TMEM175: variants seen among roughly 807,000 people sequenced by gnomAD.
TMEM175 encodes the protein endosomal/lysosomal proton channel TMEM175.
A neutral mutation model predicts 36.5 loss-of-function variants in TMEM175; 36 were observed. The ratio of observed to expected loss-of-function variants is 0.99; its 90% confidence interval spans 0.76 to 1.30. The LOEUF is 1.30. Ranked by LOEUF, TMEM175 falls within the 50% of genes most tolerant of loss-of-function variation. The pLI is 0.00. For missense variants in TMEM175, 705 were observed against 692.8 expected, an observed-to-expected ratio of 1.02 and a Z score of -0.20; for synonymous variants, 339 against 313.4, an observed-to-expected ratio of 1.08 and a Z score of -0.86.
At position 950,429 on chromosome 4, in the gene TMEM175, C is replaced by A; in HGVS notation, c.201C>A (p.Asp67Glu). The change falls in exon 4 of 11, where the codon GAC becomes GAA. Residue 67 changes from aspartate (D) to glutamate (E), a missense_variant. Coordinates refer to ENST00000264771, the MANE Select transcript of TMEM175 (RefSeq NM_032326.4). ...HTEISPEQQFDRSVQRLLATR... is the reference protein window; with the variant it reads ...HTEISPEQQFERSVQRLLATR... Reference sequence around the variant, plus strand: ...GTGCTCTTGTATTCCAGCAGTTCGACAGAAGTGTACAGAGGCTTCTGGCAA... The same window carrying A: ...GTGCTCTTGTATTCCAGCAGTTCGAAAGAAGTGTACAGAGGCTTCTGGCAA... The A allele has an allele frequency of 6.2e-7, 1 of 1,613,456 alleles. No homozygotes were observed. The highest frequency in any genetic ancestry group is 8.5e-7 in the Non-Finnish European group (1 of 1,179,422).
Position 952,405 on chromosome 4 carries a change from C to T in TMEM175, c.417C>T (p.Gly139=), listed in dbSNP as rs371451590. The stretch of plus-strand genomic sequence containing the variant: ...TGACCTTCCCTGATGTGCCTCTGGG[C>T]ATCTTCTTGTTCTGTGTGTGTGTGA... The part of the protein sequence containing the change: ...LMVTFPDVPL[G]IFLFCVCVIA... The change falls in exon 7 of 11, where the codon GGC becomes GGT. Residue 139 remains glycine (G), a synonymous_variant. Transcript: ENST00000264771. 1.2e-6 allele frequency: 2 copies of T among 1,611,358 alleles called. No individual in the cohort carries two copies. Among genetic ancestry groups the T allele is most frequent in the Non-Finnish European group, 8.5e-7 (1 of 1,179,944 alleles).
At chr4:942,066 T>C (rs967661727) in intron 1 of TMEM175, among the ~76,000 whole-genome samples, 2 of 128,086 alleles carry the variant, frequency 1.6e-5, no homozygotes, top group Non-Finnish European at 3.5e-5. Flanking sequence ...TCTTTTTTTT[T>C]CTTTTTTTTT....
chr4:936,764 G>A (rs940490661), intron 1 of TMEM175, among the ~76,000 whole-genome samples: 4 of 152,170 alleles, frequency 2.6e-5, no homozygotes, highest in African/African-American at 9.7e-5. Flanking sequence ...GACCATCCTG[G>A]CCAACATGGT....
chr4:944,224 C>CTA (rs1560478796), intron 1 of TMEM175, among the ~76,000 whole-genome samples: 1 of 152,124 alleles, frequency 6.6e-6, no homozygotes, highest in Non-Finnish European at 1.5e-5. Context: ...ACCCAGGAGG[C>CTA]GGAGGTTGCA....
intron 1 of TMEM175, among the ~76,000 whole-genome samples, chr4:945,299 C>T (rs6599388): frequency 0.28 from 42,415 of 151,340 alleles, 6,324 homozygotes; most frequent in Middle Eastern, 0.49. Context: ...CAGGCCCCCG[C>T]CGTCTCTGTC....
chr4:938,513 G>T (rs577012378), intron 1 of TMEM175, among the ~76,000 whole-genome samples: 1 of 150,308 alleles, frequency 6.7e-6, no homozygotes, highest in African/African-American at 2.4e-5. Flanking sequence ...CCAAAAAAAA[G>T]AAAAAAAAAT....
intron 1 of TMEM175, among the ~76,000 whole-genome samples, chr4:940,442 C>A (rs1229406427): frequency 1.0e-5 from 1 of 96,418 alleles, no homozygotes. Flanking sequence ...GAGTGAAACT[C>A]GATCTCAAAA....
At chr4:951,562 T>C (rs942809281) in intron 5 of TMEM175, 120 bp from the exon 6 acceptor site, 17 of 1,327,778 alleles carry the variant, frequency 1.3e-5, no homozygotes, top group Non-Finnish European at 1.7e-5. Flanking sequence ...GGACTCACAC[T>C]CGCTGGCCCA....
chr4:945,479 C>A (rs1325072116), intron 1 of TMEM175, among the ~76,000 whole-genome samples: 1 of 152,170 alleles, frequency 6.6e-6, no homozygotes, highest in East Asian at 1.9e-4. Context: ...CCTGGCTGGC[C>A]TCTCTCCGTT....
chr4:955,549 C>T (rs541326499), intron 9 of TMEM175, 66 bp downstream of exon 9: 104 of 1,537,602 alleles, frequency 6.8e-5, no homozygotes, highest in South Asian at 4.5e-5. Context: ...GCGGCTGCTC[C>T]GCACTGAGGG....
At position 958,616 on chromosome 4, in the gene TMEM175, T is replaced by C. The variant is rs572108248; in HGVS notation, c.*120T>C. Reference sequence around the variant, plus strand: ...GTGGTTCTTGCGTGGCCTGGTTTTATTTTCATTGTGAAATATCATGCTCTT... The same window carrying C: ...GTGGTTCTTGCGTGGCCTGGTTTTACTTTCATTGTGAAATATCATGCTCTT... On this transcript the variant is annotated 3_prime_UTR_variant, in exon 11 of 11. Coordinates refer to ENST00000264771, the MANE Select transcript of TMEM175 (RefSeq NM_032326.4). 1.3e-5 allele frequency: 10 copies of C among 791,352 alleles called. No individual in the cohort carries two copies. The South Asian group carries it at 1.7e-4, about 13-fold the overall frequency. The allele number at this position is 791,352 out of a possible 1,614,324, so 49.0% of individuals were successfully genotyped here.
At chr4:952,565 G>GTGTA in intron 7 of TMEM175, 115 bp downstream of exon 7, 1 of 146,644 alleles carries the variant, frequency 6.8e-6, no homozygotes. Context: ...GGCCTGCACT[G>GTGTA]TGTGTGTGTG....
rs1469426124 is a variant in TMEM175 at position 955,414 on chromosome 4, C to T, written c.637C>T (p.Leu213=). 3.1e-6 allele frequency: 5 copies of T among 1,613,986 alleles called. No homozygotes were observed. Among genetic ancestry groups the T allele is most frequent in the Middle Eastern group, 1.6e-4 (1 of 6,084 alleles). ...SLFFVPLSYL[L]MVTVILLPYV... ...GTTTGTCTCCCTGCAGTCTTACCTG[C>T]TGATGGTGACTGTCATCCTCCTCCC... Residue 213 remains leucine (L), a synonymous_variant, in exon 9 of 11, where the codon CTG becomes TTG. Transcript: ENST00000264771.
chr4:948,744 T>A (rs955358934), intron 3 of TMEM175: 3 of 1,054,978 alleles, frequency 2.8e-6, no homozygotes, highest in African/African-American at 1.7e-5. Flanking sequence ...CTCTGTGTCC[T>A]CATGACAGGG....
intron 1 of TMEM175, among the ~76,000 whole-genome samples, chr4:945,276 G>A (rs564291010): frequency 6.8e-6 from 1 of 146,214 alleles, no homozygotes; most frequent in South Asian, 2.2e-4. Flanking sequence ...TCCTGCCTCA[G>A]TTTCTGTTTC....
At chr4:941,007 AAATAATAATAATAAT>A (rs71166902) in intron 1 of TMEM175, among the ~76,000 whole-genome samples, 28 of 131,856 alleles carry the variant, frequency 2.1e-4, no homozygotes, top group Middle Eastern at 3.8e-3. Flanking sequence ...CTCCGTCTCA[AAATAATAATAATAAT>A]AATAATAATA....
chr4:955,123 G>T (rs549409863), intron 8 of TMEM175, among the ~76,000 whole-genome samples: 129 of 151,980 alleles, frequency 8.5e-4, no homozygotes, highest in Non-Finnish European at 1.6e-3. Flanking sequence ...TTTATTTTTC[G>T]TAGAGATACA....
intron 5 of TMEM175, among the ~76,000 whole-genome samples, 171 bp downstream of exon 5, chr4:951,429 G>A (rs1234311227): frequency 3.9e-5 from 6 of 152,254 alleles, no homozygotes; most frequent in South Asian, 2.1e-4. Context: ...CCCATGGGTC[G>A]CCAGCCTATA....
At chr4:954,352 G>A (rs1024429998) in intron 8 of TMEM175, among the ~76,000 whole-genome samples, 4 of 152,210 alleles carry the variant, frequency 2.6e-5, no homozygotes, top group African/African-American at 7.2e-5. Context: ...AACAGTGTTT[G>A]GAGGAGGAGC....
Sources: allele counts gnomAD v4.1 joint callset (sites outside exome capture counted in the v4.1 genomes callset), GRCh38; gene constraint gnomAD v4.1.1; transcripts MANE v1.5; gene names NCBI Gene and HGNC (gene_info 2026-07-23, HGNC 2026-07-21).